EPHA8: variants seen among roughly 807,000 people sequenced by gnomAD.
The protein encoded by EPHA8 is ephrin type-A receptor 8.
In EPHA8, 58 loss-of-function variants were observed where a neutral mutation model predicts 103.6. That is an observed-to-expected ratio of 0.56 (90% CI 0.45 to 0.70). The LOEUF (loss-of-function observed/expected upper bound fraction) is 0.70. Ranked by LOEUF, EPHA8 falls within the 30% of genes least tolerant of loss-of-function variation. The probability of loss-of-function intolerance (pLI) is 0.00; values close to 1 mark genes in which losing one functional copy is unlikely to be tolerated. For synonymous variants in EPHA8, 559 were observed against 572.5 expected, an observed-to-expected ratio of 0.98 and a Z score of 0.34; for missense variants, 1,304 against 1,395.2, an observed-to-expected ratio of 0.93 and a Z score of 1.04.
In EPHA8 at chr1:22,576,804, G is replaced by A. The variant is rs762974201; in HGVS notation, c.747G>A (p.Ala249=). ...ACACACCCAAGATGTACTGCAGCGC[G>A]GAGGGCGAGTGGCTCGTGCCCATCG... The part of the protein sequence containing the change: ...ERDTPKMYCS[A]EGEWLVPIGK... Residue 249 remains alanine, a synonymous_variant, in exon 3 of 17, where the codon GCG becomes GCA. Transcript: ENST00000166244. The surrounding 1 kb of genome is among the most constrained non-coding windows in gnomAD (Gnocchi z 4.8). The A allele has an allele frequency of 1.5e-5, 24 of 1,612,760 alleles. No individual in the cohort carries two copies. Among genetic ancestry groups the A allele is most frequent in the East Asian group, 2.2e-5 (1 of 44,864 alleles).
chr1:22,599,070 G>C (rs376487223), intron 13 of EPHA8, 23 bp downstream of exon 13: 1 of 1,573,456 alleles, frequency 6.4e-7, no homozygotes, highest in Non-Finnish European at 8.6e-7. Flanking sequence ...CACTCCTTCC[G>C]GCTAGACTGG....
intron 5 of EPHA8, 65 bp from the exon 6 acceptor site, chr1:22,593,261 A>G (rs1042025935): frequency 1.3e-6 from 2 of 1,520,566 alleles, no homozygotes; most frequent in Non-Finnish European, 1.8e-6. Context: ...GGAACCTGGG[A>G]AGGGTTGGGA....
chr1:22,598,016 C>A lies in EPHA8; in HGVS notation c.2117-135C>A, dbSNP rs966792051. The stretch of plus-strand genomic sequence containing the variant: ...ACTCGGGGTGCCCAGAGCCTGGGAC[C>A]CCAGTGGAAACCCAAGGCACCCTGG... On this transcript the variant is annotated intron_variant, in intron 11 of 16. Transcript: ENST00000166244. The surrounding 1 kb of genome is among the most constrained non-coding windows in gnomAD (Gnocchi z 5.1). 8.4e-5 allele frequency: 119 copies of A among 1,419,198 alleles called. No homozygotes were observed. Among genetic ancestry groups the A allele is most frequent in the Non-Finnish European group, 1.1e-4 (110 of 1,018,428 alleles). The allele number at this position is 1,419,198 out of a possible 1,614,324, so 87.9% of individuals were successfully genotyped here.
chr1:22,598,314 G>A lies in EPHA8; in HGVS notation c.2178+102G>A, dbSNP rs72875476. Reference sequence around the variant, plus strand: ...CCCTCTAAGCCCCCTCCCTGGCTTGGACACCACAGGCCGGGGGACAGGAGG... The same window carrying A: ...CCCTCTAAGCCCCCTCCCTGGCTTGAACACCACAGGCCGGGGGACAGGAGG... On this transcript the variant is annotated intron_variant, in intron 12 of 16. Transcript: ENST00000166244. This position sits in a 1 kb window ranked among gnomAD's most constrained non-coding sequence, Gnocchi z 5.1. The A allele has an allele frequency of 5.6e-3, 6,650 of 1,189,774 alleles. 226 individuals are homozygous for A. In the African/African-American group the frequency reaches 0.083, roughly 15 times the overall value. The allele number at this position is 1,189,774 out of a possible 1,614,324, so 73.7% of individuals were successfully genotyped here.
chr1:22,590,747 TTTG>T (rs3835603), intron 5 of EPHA8, among the ~76,000 whole-genome samples: 14,299 of 152,046 alleles, frequency 0.094, 728 homozygotes, highest in East Asian at 0.19. Context: ...GGCCCATGAC[TTTG>T]AATTCCACCT....
At chr1:22,601,140 C>T (rs573185682) in intron 15 of EPHA8, 52 bp downstream of exon 15, 1 of 1,564,100 alleles carries the variant, frequency 6.4e-7, no homozygotes, top group Admixed American at 1.8e-5. Context: ...CCCAGTATTG[C>T]CCCAGATCTG....
intron 3 of EPHA8, among the ~76,000 whole-genome samples, chr1:22,579,065 G>A (rs1640940410): frequency 6.6e-6 from 1 of 150,486 alleles, no homozygotes; most frequent in Middle Eastern, 3.4e-3. Flanking sequence ...ATGTATGTAT[G>A]CATGTGTGTG....
chr1:22,597,233 A>T lies in EPHA8; in HGVS notation c.1766-79A>T. ...AGAGACACCCCTCACCCCACCCCAG[A>T]CCCATCCCAGGCCCAGGGAATGTCA... On this transcript the variant is annotated intron_variant, in intron 9 of 16. Coordinates refer to ENST00000166244, the MANE Select transcript of EPHA8 (RefSeq NM_020526.5). The surrounding 1 kb of genome is among the most constrained non-coding windows in gnomAD (Gnocchi z 4.6). The T allele has an allele frequency of 8.1e-7, 1 of 1,234,390 alleles. No homozygotes were observed. Among genetic ancestry groups the T allele is most frequent in the Non-Finnish European group, 1.1e-6 (1 of 880,576 alleles). The allele number at this position is 1,234,390 out of a possible 1,614,324, so 76.5% of individuals were successfully genotyped here.
intron 3 of EPHA8, among the ~76,000 whole-genome samples, chr1:22,578,598 C>G (rs1296131188): frequency 1.4e-5 from 2 of 144,000 alleles, no homozygotes; most frequent in Non-Finnish European, 3.0e-5. Flanking sequence ...TGCGTGTGTG[C>G]ATGTGTGCAT....
chr1:22,601,598 A>AGCTG (rs1412961471), intron 16 of EPHA8, 29 bp from the exon 17 acceptor site: 1 of 1,581,934 alleles, frequency 6.3e-7, no homozygotes, highest in Admixed American at 1.8e-5. Context: ...TCCCAGGCCC[A>AGCTG]GCTGGCCAGC....
At chr1:22,583,209 C>A (rs1641094455) in intron 3 of EPHA8, among the ~76,000 whole-genome samples, 1 of 152,234 alleles carries the variant, frequency 6.6e-6, no homozygotes, top group Non-Finnish European at 1.5e-5. Context: ...CAGGGCCGGG[C>A]CCCAGCCCAG....
intron 13 of EPHA8, 78 bp downstream of exon 13, chr1:22,599,125 T>A: frequency 6.9e-7 from 1 of 1,443,920 alleles, no homozygotes; most frequent in Non-Finnish European, 9.4e-7. Context: ...CCAACCATTC[T>A]GCAAGTAGCT....
chr1:22,571,880 A>C (rs1209535038), intron 2 of EPHA8, among the ~76,000 whole-genome samples: 4 of 152,090 alleles, frequency 2.6e-5, no homozygotes, highest in Non-Finnish European at 5.9e-5. Flanking sequence ...CTACAAAAAA[A>C]ATTAAAATTA....
rs1640451458 is a variant in EPHA8 at position 22,569,090 on chromosome 1, A to G, written c.95-199A>G. Among the ~76,000 whole-genome samples, 2 of 152,198 alleles carry G rather than the reference A, an allele frequency of 1.3e-5. No homozygotes were observed. On this transcript the variant is annotated intron_variant, in intron 1 of 16. Transcript: ENST00000166244. The surrounding 1 kb of genome is among the most constrained non-coding windows in gnomAD (Gnocchi z 4.5). Reference sequence around the variant, plus strand: ...TTACTTTTTGGCCAAGAGGGTGAGAAGAAGGCTTCAGGGAAGAGAAAGAAC... The same window carrying G: ...TTACTTTTTGGCCAAGAGGGTGAGAGGAAGGCTTCAGGGAAGAGAAAGAAC...
Position 22,576,492 on chromosome 1 carries a change from C to G in EPHA8, c.435C>G (p.Ile145Met). 1 of 1,614,146 alleles carries G rather than the reference C, an allele frequency of 6.2e-7. No individual in the cohort carries two copies. The highest frequency in any genetic ancestry group is 8.5e-7 in the Non-Finnish European group (1 of 1,180,040). Reference protein sequence around the residue: ...ASTQESQFLKIDTIAADESFT... With the variant: ...ASTQESQFLKMDTIAADESFT... ...CACAAGAAAGCCAGTTCCTCAAAAT[C>G]GACACCATTGCGGCCGACGAGAGCT... is the stretch of plus-strand genomic sequence containing the variant. The change falls in exon 3 of 17, where the codon ATC becomes ATG. Residue 145 changes from isoleucine (I) to methionine (M), a missense_variant. Coordinates refer to ENST00000166244, the MANE Select transcript of EPHA8 (RefSeq NM_020526.5). The surrounding 1 kb of genome is among the most constrained non-coding windows in gnomAD (Gnocchi z 4.8).
chr1:22,602,197 A>G lies in EPHA8; in HGVS notation c.*456A>G, dbSNP rs1004328624. ...GCTTATCCGTTAAGGCTGGAGGCACATGTGGGTGATGGTGGATGATGTGTC... is the reference window on the plus strand; with the variant it reads ...GCTTATCCGTTAAGGCTGGAGGCACGTGTGGGTGATGGTGGATGATGTGTC... On this transcript the variant is annotated 3_prime_UTR_variant, in exon 17 of 17. Coordinates refer to ENST00000166244, the MANE Select transcript of EPHA8 (RefSeq NM_020526.5). The G allele has an allele frequency of 5.1e-6, 1 of 196,686 alleles. No individual in the cohort carries two copies. Among genetic ancestry groups the G allele is most frequent in the African/African-American group, 2.4e-5 (1 of 41,726 alleles). 12.2% of individuals were successfully genotyped at this position (196,686 alleles called of 1,614,324 possible). A position where few individuals can be genotyped will look rare whatever the true frequency, so the allele number is the denominator to read the frequency against.
Position 22,593,655 on chromosome 1 carries a change from C to A in EPHA8, c.1572C>A (p.Ser524Arg). The change falls in exon 7 of 17, where the codon AGC (serine) becomes AGA (arginine). Residue 524 changes from serine (S) to arginine (R), a missense_variant. Ser to Arg is a moderately radical substitution (Grantham distance 110, BLOSUM62 -1). Coordinates refer to ENST00000166244, the MANE Select transcript of EPHA8 (RefSeq NM_020526.5). ...CCTCAGCAGGCTGTGGCCGCTTCAG[C>A]CAGGCCATGGAGGTGGAGACCGGGA... Reference protein sequence around the residue: ...ARTSAGCGRFSQAMEVETGKP... With the variant: ...ARTSAGCGRFRQAMEVETGKP... The A allele has an allele frequency of 6.2e-7, 1 of 1,604,186 alleles. No homozygotes were observed. The highest frequency in any genetic ancestry group is 1.1e-5 in the South Asian group (1 of 89,562).
Position 22,583,713 on chromosome 1 carries a change from G to A in EPHA8, c.824-2767G>A, listed in dbSNP as rs1318829451. On this transcript the variant is annotated intron_variant, in intron 3 of 16. Coordinates refer to ENST00000166244, the MANE Select transcript of EPHA8 (RefSeq NM_020526.5). ...GAATTATGATCTCCACCTTAAAGAC[G>A]AGGAAACTGACTTCCAGCACCTTGC... 4.6e-5 allele frequency among the ~76,000 whole-genome samples: 7 copies of A among 152,354 alleles called. No individual in the cohort carries two copies. In the East Asian group the frequency reaches 5.8e-4, roughly 13 times the overall value.
At chr1:22,596,349 T>C (rs1240309467) in intron 9 of EPHA8, among the ~76,000 whole-genome samples, 176 bp downstream of exon 9, 1 of 152,206 alleles carries the variant, frequency 6.6e-6, no homozygotes, top group African/African-American at 2.4e-5. Context: ...GCGCCGTTCA[T>C]GCCTCCTGGA....
Sources: gnomAD v4.1 joint callset for allele counts (sites outside exome capture counted in the v4.1 genomes callset) on GRCh38, gnomAD v4.1.1 for gene constraint, Gnocchi (gnomAD v3.1) non-coding constraint, MANE v1.5 for transcripts, NCBI Gene and HGNC (gene_info 2026-07-23, HGNC 2026-07-21) for gene names.